CENPW: variants seen among roughly 807,000 people sequenced by gnomAD.
CENPW encodes cancer-up-regulated gene 2 protein.
CENPW carries 3 observed loss-of-function variants against 11.1 expected under a neutral mutation model. The observed-to-expected ratio is 0.27, with a 90% CI of 0.12 to 0.70. The LOEUF (loss-of-function observed/expected upper bound fraction) is 0.70, where lower values mean the gene tolerates loss of function less well. Among genes scored for constraint, CENPW ranks in the 30% least tolerant of loss-of-function variants. The pLI is 0.77. For missense variants in CENPW, 100 were observed against 105.6 expected (o/e 0.95, Z 0.23); for synonymous variants, 38 against 42.0 (o/e 0.91, Z 0.37).
At chr6:126,454,201 T>C in the CENPW span, among the ~76,000 whole-genome samples, 1,180 of 151,344 alleles carry the variant, frequency 7.8e-3, 14 homozygotes, top group African/African-American at 0.027. Flanking sequence ...GGACCAGAGC[T>C]TGAAACCTGA....
the CENPW span, among the ~76,000 whole-genome samples, chr6:126,454,695 T>C: frequency 6.6e-6 from 1 of 151,086 alleles, no homozygotes; most frequent in African/African-American, 2.4e-5. Flanking sequence ...ATCCCAAACC[T>C]AGTAGAAGAA....
At chr6:126,444,169 C>T in the CENPW span, among the ~76,000 whole-genome samples, 1 of 147,650 alleles carries the variant, frequency 6.8e-6, no homozygotes. Context: ...GTGGTCTCTT[C>T]TGGTTATTTT....
the CENPW span, among the ~76,000 whole-genome samples, chr6:126,386,782 T>A: frequency 6.6e-6 from 1 of 151,964 alleles, no homozygotes; most frequent in Admixed American, 6.6e-5. Flanking sequence ...AGACATGAAC[T>A]TGATACTAGA....
the CENPW span, among the ~76,000 whole-genome samples, chr6:126,423,893 A>G: frequency 6.6e-6 from 1 of 151,208 alleles, no homozygotes; most frequent in Non-Finnish European, 1.5e-5. Flanking sequence ...CACAATGTGC[A>G]GGTTAGTTAC....
chr6:126,377,032 A>T, the CENPW span, among the ~76,000 whole-genome samples: 2 of 152,080 alleles, frequency 1.3e-5, no homozygotes, highest in African/African-American at 4.8e-5. Flanking sequence ...TAATTATTTC[A>T]TTTGTAGATT....
the CENPW span, among the ~76,000 whole-genome samples, chr6:126,397,637 G>A: frequency 1.3e-4 from 20 of 152,166 alleles, no homozygotes; most frequent in South Asian, 4.2e-3. Flanking sequence ...ATCAGTGGAG[G>A]CCTCTATTCA....
chr6:126,441,111 G>T, the CENPW span, among the ~76,000 whole-genome samples: 4 of 151,412 alleles, frequency 2.6e-5, no homozygotes, highest in African/African-American at 9.7e-5. Context: ...AAGATTGGCA[G>T]GTGGAAGTGA....
the CENPW span, among the ~76,000 whole-genome samples, chr6:126,378,399 T>A: frequency 6.6e-6 from 1 of 152,022 alleles, no homozygotes; most frequent in Non-Finnish European, 1.5e-5. Context: ...GACAACTCAT[T>A]TTAGTAGTTT....
At chr6:126,350,936 G>C (rs958113422), downstream of CENPW, among the ~76,000 whole-genome samples, 4 of 151,728 alleles carry the variant, frequency 2.6e-5, no homozygotes, top group African/African-American at 9.7e-5. Context: ...ATGCTGAATA[G>C]TTCTTTAAAT....
the CENPW span, among the ~76,000 whole-genome samples, chr6:126,387,013 TGAGTGATTTATTTA>T: frequency 2.6e-5 from 4 of 152,012 alleles, no homozygotes; most frequent in Non-Finnish European, 5.9e-5. Flanking sequence ...TTTAAATGAC[TGAGTGATTTATTTA>T]GAGAAACTAA....
the CENPW span, among the ~76,000 whole-genome samples, chr6:126,447,866 T>C: frequency 6.6e-6 from 1 of 151,222 alleles, no homozygotes; most frequent in African/African-American, 2.4e-5. Flanking sequence ...TTCCTATGTG[T>C]TTACAACCAC....
At chr6:126,367,991 GT>G in the CENPW span, among the ~76,000 whole-genome samples, 1 of 152,210 alleles carries the variant, frequency 6.6e-6, no homozygotes, top group South Asian at 2.1e-4. Context: ...GTTAAGATAT[GT>G]TATGAGAATC....
At chr6:126,416,825 G>C in the CENPW span, among the ~76,000 whole-genome samples, 3 of 152,218 alleles carry the variant, frequency 2.0e-5, no homozygotes, top group Non-Finnish European at 2.9e-5. Context: ...TTTGCTGCAG[G>C]ATCAGGGGTC....
chr6:126,440,195 A>G, the CENPW span, among the ~76,000 whole-genome samples: 1 of 151,662 alleles, frequency 6.6e-6, no homozygotes, highest in Admixed American at 6.6e-5. Context: ...GGATTCATTC[A>G]TAGGTGAGAG....
At chr6:126,346,487 A>G (rs1462426725) in intron 2 of CENPW, among the ~76,000 whole-genome samples, 169 bp downstream of exon 2, 4 of 152,200 alleles carry the variant, frequency 2.6e-5, no homozygotes, top group East Asian at 1.9e-4. Flanking sequence ...CTCCATATGT[A>G]TATTATTAAT....
At chr6:126,469,685 C>T in the CENPW span, among the ~76,000 whole-genome samples, 2 of 152,114 alleles carry the variant, frequency 1.3e-5, no homozygotes, top group African/African-American at 4.8e-5. Flanking sequence ...GTGATATGGA[C>T]AATGAAGTCC....
chr6:126,473,574 T>TA, the CENPW span, among the ~76,000 whole-genome samples: 8 of 151,408 alleles, frequency 5.3e-5, no homozygotes, highest in East Asian at 1.9e-4. Context: ...CCACTAAAAA[T>TA]AAAAAAAATT....
the CENPW span, among the ~76,000 whole-genome samples, chr6:126,441,299 G>T: frequency 6.6e-5 from 10 of 151,496 alleles, no homozygotes; most frequent in African/African-American, 2.4e-4. Flanking sequence ...ATAGCCTATA[G>T]AAATTTGGGC....
the CENPW span, among the ~76,000 whole-genome samples, chr6:126,439,833 T>G: frequency 1.2e-4 from 18 of 151,770 alleles, no homozygotes; most frequent in South Asian, 6.2e-4. Context: ...AAACTATTTT[T>G]TCTTCATGAC....
Sources: gnomAD v4.1 joint callset for allele counts (sites outside exome capture counted in the v4.1 genomes callset) on GRCh38, gnomAD v4.1.1 for gene constraint, MANE v1.5 for transcripts, NCBI Gene and HGNC (gene_info 2026-07-23, HGNC 2026-07-21) for gene names.